Variants in CLVS2 observed in about 807,000 individuals in gnomAD.
CLVS2 encodes clavesin 2.
In CLVS2, 19 loss-of-function variants were observed where a neutral mutation model predicts 29.0. The ratio of observed to expected loss-of-function variants is 0.66; its 90% CI spans 0.46 to 0.96. CLVS2 has a LOEUF of 0.96. Ranked by LOEUF, CLVS2 falls within the 40% of genes least tolerant of loss-of-function variation. The probability of loss-of-function intolerance (pLI) is 0.00; values close to 1 mark genes in which losing one functional copy is unlikely to be tolerated. For synonymous variants in CLVS2, 161 were observed against 151.3 expected (o/e 1.06, Z -0.47); for missense variants, 294 against 404.1 (o/e 0.73, Z 2.34).
intron 2 of CLVS2, among the ~76,000 whole-genome samples, chr6:123,003,110 G>A (rs1008386143): frequency 2.0e-5 from 3 of 152,162 alleles, no homozygotes; most frequent in Admixed American, 6.5e-5. Flanking sequence ...TGCAAAAATA[G>A]GACAATCTCC....
chr6:123,026,586 G>T (rs959908662), intron 3 of CLVS2, among the ~76,000 whole-genome samples: 1 of 152,128 alleles, frequency 6.6e-6, no homozygotes, highest in African/African-American at 2.4e-5. Flanking sequence ...TTTATAGCAA[G>T]ACCTGAGGAA....
chr6:123,009,250 C>G (rs955534124), intron 2 of CLVS2, among the ~76,000 whole-genome samples: 1 of 151,974 alleles, frequency 6.6e-6, no homozygotes, highest in African/African-American at 2.4e-5. Flanking sequence ...TTAACTGATC[C>G]TCAGAATTAT....
chr6:123,061,872 T>TA (rs201945515), intron 5 of CLVS2, among the ~76,000 whole-genome samples: 1 of 152,054 alleles, frequency 6.6e-6, no homozygotes, highest in African/African-American at 2.4e-5. Context: ...AATATTTATA[T>TA]ATTTAATTTT....
At chr6:123,035,636 G>A (rs1409711642) in intron 3 of CLVS2, among the ~76,000 whole-genome samples, 1 of 152,090 alleles carries the variant, frequency 6.6e-6, no homozygotes, top group Non-Finnish European at 1.5e-5. Flanking sequence ...TGCCCCAGTG[G>A]CAGTCAGATT....
chr6:123,015,899 G>A (rs1774824471), intron 3 of CLVS2, among the ~76,000 whole-genome samples: 1 of 151,764 alleles, frequency 6.6e-6, no homozygotes, highest in African/African-American at 2.4e-5. Flanking sequence ...CATAATATTG[G>A]TCCAAGGTAA....
At chr6:123,027,477 T>A (rs990624606) in intron 3 of CLVS2, among the ~76,000 whole-genome samples, 2 of 152,166 alleles carry the variant, frequency 1.3e-5, no homozygotes, top group Non-Finnish European at 2.9e-5. Context: ...ACATTTTTCT[T>A]CCATCCTCAT....
intron 3 of CLVS2, among the ~76,000 whole-genome samples, chr6:123,020,032 G>A (rs1437192829): frequency 6.6e-6 from 1 of 151,924 alleles, no homozygotes; most frequent in Non-Finnish European, 1.5e-5. Context: ...GGGGAGGGCA[G>A]TCTGCTTTAC....
chr6:123,040,253 T>C (rs1413130859), intron 3 of CLVS2, among the ~76,000 whole-genome samples: 1 of 152,202 alleles, frequency 6.6e-6, no homozygotes, highest in African/African-American at 2.4e-5. Flanking sequence ...CATAATATAC[T>C]CCTGTAGGTT....
At chr6:123,025,384 T>C (rs373236441) in intron 3 of CLVS2, among the ~76,000 whole-genome samples, 3 of 152,148 alleles carry the variant, frequency 2.0e-5, no homozygotes, top group South Asian at 4.1e-4. Context: ...GAAAAATGCA[T>C]TGTAAGAAGG....
intron 3 of CLVS2, among the ~76,000 whole-genome samples, chr6:123,017,142 G>A (rs995076101): frequency 6.6e-6 from 1 of 151,542 alleles, no homozygotes; most frequent in Non-Finnish European, 1.5e-5. Context: ...GGAGAGTGTA[G>A]AAAAGAACTT....
Position 123,014,002 on chromosome 6 carries a change from T to C in CLVS2, c.564+2843T>C, listed in dbSNP as rs990080473. On this transcript the variant is annotated intron_variant, in intron 3 of 5. Transcript: ENST00000275162. Reference sequence around the variant, plus strand: ...CAAAGGACATGAACTCATCATTTTTTATGGCTGCATAGTATTCCATGGTGT... The same window carrying C: ...CAAAGGACATGAACTCATCATTTTTCATGGCTGCATAGTATTCCATGGTGT... Among the ~76,000 whole-genome samples, 9 of 152,324 alleles carry C rather than the reference T, an allele frequency of 5.9e-5. No individual in the cohort carries two copies. In the South Asian group the frequency reaches 1.0e-3, roughly 18 times the overall value.
At chr6:123,022,062 T>C (rs974721421) in intron 3 of CLVS2, among the ~76,000 whole-genome samples, 4 of 152,082 alleles carry the variant, frequency 2.6e-5, no homozygotes, top group African/African-American at 9.7e-5. Flanking sequence ...TGTCATTCTT[T>C]GGGTATCAAG....
At chr6:123,048,971 A>G (rs1471653104) in intron 4 of CLVS2, among the ~76,000 whole-genome samples, 3 of 152,162 alleles carry the variant, frequency 2.0e-5, no homozygotes, top group Non-Finnish European at 2.9e-5. Flanking sequence ...TAGCATATTC[A>G]CTGTTTGTTA....
chr6:123,027,134 A>G (rs1775014290), intron 3 of CLVS2, among the ~76,000 whole-genome samples: 1 of 152,176 alleles, frequency 6.6e-6, no homozygotes, highest in Non-Finnish European at 1.5e-5. Flanking sequence ...TAAAGTAAAG[A>G]AGTCATCTGT....
chr6:123,059,487 A>G (rs542484017), intron 5 of CLVS2, among the ~76,000 whole-genome samples: 1 of 152,320 alleles, frequency 6.6e-6, no homozygotes, highest in Non-Finnish European at 1.5e-5. Context: ...TGCATGGAGG[A>G]GTGCTCTGCT....
intron 2 of CLVS2, among the ~76,000 whole-genome samples, chr6:123,003,349 C>T (rs1178314169): frequency 6.6e-6 from 1 of 152,076 alleles, no homozygotes; most frequent in Non-Finnish European, 1.5e-5. Context: ...AAAACATGAG[C>T]CAATAGTTAG....
At chr6:123,026,705 T>C (rs1775006710) in intron 3 of CLVS2, among the ~76,000 whole-genome samples, 1 of 152,190 alleles carries the variant, frequency 6.6e-6, no homozygotes, top group African/African-American at 2.4e-5. Context: ...AATATCATGC[T>C]AATATTGTAC....
chr6:123,045,310 G>A (rs1363491644), intron 3 of CLVS2, among the ~76,000 whole-genome samples: 2 of 152,012 alleles, frequency 1.3e-5, no homozygotes, highest in Non-Finnish European at 2.9e-5. Context: ...GGCCACATTG[G>A]AAGACCTAGG....
chr6:123,023,562 A>C (rs1284990707), intron 3 of CLVS2, among the ~76,000 whole-genome samples: 1 of 152,150 alleles, frequency 6.6e-6, no homozygotes, highest in African/African-American at 2.4e-5. Context: ...GAATTGATGT[A>C]CTGTGATTTG....
Sources: gnomAD v4.1 joint callset for allele counts (sites outside exome capture counted in the v4.1 genomes callset) on GRCh38, gnomAD v4.1.1 for gene constraint, MANE v1.5 for transcripts, NCBI Gene and HGNC (gene_info 2026-07-23, HGNC 2026-07-21) for gene names.